TM9SF2: variants seen among roughly 807,000 people sequenced by gnomAD.
TM9SF2 encodes the protein 76 kDa membrane protein.
In TM9SF2, 13 loss-of-function variants were observed where a neutral mutation model predicts 84.9. The observed-to-expected ratio is 0.15, with a 90% CI of 0.10 to 0.24. The LOEUF (loss-of-function observed/expected upper bound fraction) is 0.24. TM9SF2 is among the 10% of genes least tolerant of loss of function. TM9SF2 has a pLI of 1.00. For synonymous variants in TM9SF2, 273 were observed against 285.8 expected (o/e 0.96, Z 0.45); for missense variants, 562 against 818.5 (o/e 0.69, Z 3.82).
intron 10 of TM9SF2, among the ~76,000 whole-genome samples, 184 bp downstream of exon 10, chr13:99,544,179 G>A (rs573084738): frequency 4.0e-5 from 6 of 151,876 alleles, no homozygotes; most frequent in East Asian, 3.9e-4. Context: ...GTGAAACCCC[G>A]TCTTTCTACT....
intron 3 of TM9SF2, among the ~76,000 whole-genome samples, chr13:99,520,569 ATCTT>A (rs1437909237): frequency 6.6e-6 from 1 of 151,786 alleles, no homozygotes; most frequent in African/African-American, 2.4e-5. Flanking sequence ...TTGGAAGCTA[ATCTT>A]TCTTTTTTTT....
intron 12 of TM9SF2, among the ~76,000 whole-genome samples, chr13:99,551,330 T>A (rs2046304817): frequency 1.3e-5 from 2 of 152,254 alleles, no homozygotes; most frequent in Non-Finnish European, 2.9e-5. Context: ...AGGCCCTGTA[T>A]CCATGGCAGC....
intron 1 of TM9SF2, among the ~76,000 whole-genome samples, chr13:99,503,158 T>G (rs944182089): frequency 2.0e-5 from 3 of 152,240 alleles, no homozygotes; most frequent in African/African-American, 7.2e-5. Flanking sequence ...GTACACTGGT[T>G]TTTCCATTAA....
chr13:99,528,005 A>T (rs925384515), intron 3 of TM9SF2, among the ~76,000 whole-genome samples: 2 of 152,198 alleles, frequency 1.3e-5, no homozygotes, highest in African/African-American at 4.8e-5. Context: ...GAGAAGGTTA[A>T]ATCCTCACTG....
At chr13:99,539,218 AAAAG>A (rs1370337834) in intron 6 of TM9SF2, among the ~76,000 whole-genome samples, 1 of 150,962 alleles carries the variant, frequency 6.6e-6, no homozygotes, top group African/African-American at 2.4e-5. Flanking sequence ...CCAAAAAAAA[AAAAG>A]AAAAAAAAAA....
Position 99,521,496 on chromosome 13 carries a change from C to T in TM9SF2, c.333+1367C>T, listed in dbSNP as rs569732590. 3.3e-5 allele frequency among the ~76,000 whole-genome samples: 5 copies of T among 152,236 alleles called. No homozygotes were observed. The South Asian group carries it at 1.0e-3, about 32-fold the overall frequency. ...CTTTCTCACGAGGCACCCCCATCTC[C>T]CTCGACATTTTATTACATGGAGCAC... On this transcript the variant is annotated intron_variant, in intron 3 of 16. Coordinates refer to ENST00000376387, the MANE Select transcript of TM9SF2 (RefSeq NM_004800.3).
intron 1 of TM9SF2, among the ~76,000 whole-genome samples, chr13:99,513,467 T>C (rs1247162885): frequency 6.6e-6 from 1 of 152,194 alleles, no homozygotes; most frequent in Non-Finnish European, 1.5e-5. Context: ...AAGCAAAAAT[T>C]TGTATTACTT....
At chr13:99,534,361 A>G (rs1246110620) in intron 4 of TM9SF2, among the ~76,000 whole-genome samples, 1 of 152,182 alleles carries the variant, frequency 6.6e-6, no homozygotes, top group Non-Finnish European at 1.5e-5. Context: ...ATCCTAATGA[A>G]TACTCCAAAT....
chr13:99,511,432 A>G (rs764156882), intron 1 of TM9SF2, among the ~76,000 whole-genome samples: 1 of 152,146 alleles, frequency 6.6e-6, no homozygotes, highest in Admixed American at 6.5e-5. Flanking sequence ...CCACTGACAT[A>G]TTAGGAGGAT....
intron 8 of TM9SF2, among the ~76,000 whole-genome samples, 172 bp from the exon 9 acceptor site, chr13:99,541,387 C>T (rs1287244382): frequency 6.6e-6 from 1 of 152,174 alleles, no homozygotes; most frequent in Admixed American, 6.5e-5. Flanking sequence ...TATTTATCTA[C>T]TGGAGGGAAA....
intron 4 of TM9SF2, among the ~76,000 whole-genome samples, chr13:99,536,137 A>T (rs2046233049): frequency 6.6e-6 from 1 of 152,142 alleles, no homozygotes. Context: ...AACTAGATAT[A>T]TTGCTTTGTG....
chr13:99,543,831 A>G, intron 9 of TM9SF2, 32 bp from the exon 10 acceptor site: 1 of 1,610,424 alleles, frequency 6.2e-7, no homozygotes, highest in African/African-American at 1.3e-5. Context: ...TGATACCATG[A>G]GACAATCGAA....
chr13:99,540,412 A>C (rs1414568000), intron 7 of TM9SF2: 39 of 167,152 alleles, frequency 2.3e-4, no homozygotes, highest in East Asian at 1.6e-4. Context: ...AAAAAAAAAA[A>C]CCTACATATA....
chr13:99,562,227 T>C (rs2046347606), intron 16 of TM9SF2, among the ~76,000 whole-genome samples: 1 of 152,218 alleles, frequency 6.6e-6, no homozygotes, highest in African/African-American at 2.4e-5. Flanking sequence ...TTGTAAAAAC[T>C]TACTGAGTTA....
At chr13:99,533,185 C>A (rs778684309) in intron 4 of TM9SF2, among the ~76,000 whole-genome samples, 4 of 152,142 alleles carry the variant, frequency 2.6e-5, no homozygotes, top group African/African-American at 4.8e-5. Flanking sequence ...TGCACTAAGA[C>A]ATACTAGGGA....
intron 6 of TM9SF2, among the ~76,000 whole-genome samples, chr13:99,538,646 G>T (rs1298025220): frequency 6.6e-6 from 1 of 151,494 alleles, no homozygotes; most frequent in East Asian, 1.9e-4. Flanking sequence ...AAATGAATTC[G>T]CTGGGCATGG....
chr13:99,524,710 A>T (rs2046174619), intron 3 of TM9SF2, among the ~76,000 whole-genome samples: 1 of 151,834 alleles, frequency 6.6e-6, no homozygotes, highest in Admixed American at 6.5e-5. Context: ...CTATAAAATC[A>T]GGTGCCCCAA....
At chr13:99,516,344 G>A (rs2046134630) in intron 1 of TM9SF2, among the ~76,000 whole-genome samples, 1 of 152,190 alleles carries the variant, frequency 6.6e-6, no homozygotes, top group Non-Finnish European at 1.5e-5. Flanking sequence ...AAAATGACAA[G>A]TGTGGCTCCG....
intron 4 of TM9SF2, among the ~76,000 whole-genome samples, chr13:99,530,152 A>G (rs993342008): frequency 2.0e-5 from 3 of 152,094 alleles, no homozygotes; most frequent in Non-Finnish European, 4.4e-5. Flanking sequence ...TGATATAGGC[A>G]TGGTGGCTCA....
Sources: gnomAD v4.1 joint callset for allele counts (sites outside exome capture counted in the v4.1 genomes callset) on GRCh38, gnomAD v4.1.1 for gene constraint, MANE v1.5 for transcripts, NCBI Gene and HGNC (gene_info 2026-07-23, HGNC 2026-07-21) for gene names.